Variants in LYRM4 observed in about 807,000 individuals in gnomAD.
LYRM4 encodes the protein LYR motif-containing protein 4.
In LYRM4, 9 loss-of-function variants were observed where a neutral mutation model predicts 11.7. That is an observed-to-expected ratio of 0.77 (90% CI 0.46 to 1.34). LYRM4 has a LOEUF of 1.34. Among genes scored for constraint, LYRM4 ranks in the 40% most tolerant of loss-of-function variants. The probability of loss-of-function intolerance (pLI) is 0.00; values close to 1 mark genes in which losing one functional copy is unlikely to be tolerated. For missense variants in LYRM4, 133 were observed against 112.5 expected (o/e 1.18, Z -0.82); for synonymous variants, 42 against 40.4 (o/e 1.04, Z -0.15).
At chr6:5,155,241 G>A (rs1758344732) in intron 2 of LYRM4, among the ~76,000 whole-genome samples, 1 of 152,048 alleles carries the variant, frequency 6.6e-6, no homozygotes, top group Admixed American at 6.5e-5. Context: ...GCCACCGCCT[G>A]GATAATTTTT....
At chr6:5,176,829 A>G (rs1172795110) in intron 2 of LYRM4, among the ~76,000 whole-genome samples, 2 of 152,216 alleles carry the variant, frequency 1.3e-5, no homozygotes, top group African/African-American at 4.8e-5. Context: ...TGAGTATATA[A>G]TTTCATCTAC....
chr6:5,256,084 G>T (rs1190010231), intron 1 of LYRM4, among the ~76,000 whole-genome samples: 1 of 151,972 alleles, frequency 6.6e-6, no homozygotes, highest in East Asian at 2.0e-4. Context: ...GTCATGCCAA[G>T]ATTGAGAAAT....
intron 2 of LYRM4, among the ~76,000 whole-genome samples, chr6:5,188,031 GTT>G: frequency 6.6e-6 from 1 of 152,288 alleles, no homozygotes; most frequent in African/African-American, 2.4e-5. Context: ...TGCCTTTGAA[GTT>G]TTTTGTCTAA....
At chr6:5,155,944 GAT>G (rs1758387169) in intron 2 of LYRM4, among the ~76,000 whole-genome samples, 1 of 152,206 alleles carries the variant, frequency 6.6e-6, no homozygotes, top group African/African-American at 2.4e-5. Context: ...AACATCTTGA[GAT>G]ATGTTTGGAG....
chr6:5,138,687 A>G (rs1331004004), intron 2 of LYRM4: 1 of 1,519,700 alleles, frequency 6.6e-7, no homozygotes, highest in Admixed American at 2.0e-5. Flanking sequence ...AGAAAATATC[A>G]AGATGCAATA....
At chr6:5,081,376 A>C in the LYRM4 span, among the ~76,000 whole-genome samples, 1 of 152,168 alleles carries the variant, frequency 6.6e-6, no homozygotes, top group Non-Finnish European at 1.5e-5. Flanking sequence ...TGCACCTTTC[A>C]GGAGGCAAGG....
chr6:5,077,525 G>A, the LYRM4 span, among the ~76,000 whole-genome samples: 1 of 152,158 alleles, frequency 6.6e-6, no homozygotes, highest in Non-Finnish European at 1.5e-5. Flanking sequence ...ATCAAGAGCT[G>A]ACATTTTTAC....
intron 2 of LYRM4, among the ~76,000 whole-genome samples, chr6:5,113,626 T>C (rs947198432): frequency 2.0e-5 from 3 of 152,200 alleles, no homozygotes; most frequent in Non-Finnish European, 4.4e-5. Context: ...TCAATCCATA[T>C]AGACACAAAG....
the LYRM4 span, chr6:5,043,279 A>G: frequency 2.0e-5 from 3 of 152,132 alleles, no homozygotes; most frequent in Admixed American, 6.5e-5. Flanking sequence ...TACTTTTAAC[A>G]TACTCTGCAA....
chr6:5,118,429 ATAG>A (rs1763247191), intron 2 of LYRM4, among the ~76,000 whole-genome samples: 1 of 152,026 alleles, frequency 6.6e-6, no homozygotes, highest in African/African-American at 2.4e-5. Context: ...TACATTTTTG[ATAG>A]TAGAATTTCA....
chr6:5,037,568 A>G, the LYRM4 span, among the ~76,000 whole-genome samples: 2 of 80,818 alleles, frequency 2.5e-5, no homozygotes, highest in African/African-American at 3.6e-5. Flanking sequence ...GGGGCTCCTC[A>G]CTTCCCAGTA....
intron 1 of LYRM4, among the ~76,000 whole-genome samples, chr6:5,224,351 G>A (rs1261392105): frequency 1.3e-5 from 2 of 152,306 alleles, no homozygotes; most frequent in South Asian, 2.1e-4. Flanking sequence ...AAATTTAAAT[G>A]AGGCATCATT....
chr6:5,257,824 CAAG>C (rs1764753409), intron 1 of LYRM4, among the ~76,000 whole-genome samples: 1 of 152,122 alleles, frequency 6.6e-6, no homozygotes, highest in Non-Finnish European at 1.5e-5. Flanking sequence ...TTCCTGGTGC[CAAG>C]AAGGTTGGGG....
At chr6:5,207,156 T>C (rs1452329473) in intron 2 of LYRM4, among the ~76,000 whole-genome samples, 1 of 152,152 alleles carries the variant, frequency 6.6e-6, no homozygotes, top group Non-Finnish European at 1.5e-5. Context: ...TCCTATTATA[T>C]CTCAGGGAGG....
intron 2 of LYRM4, among the ~76,000 whole-genome samples, chr6:5,133,828 T>C (rs1764066369): frequency 6.6e-6 from 1 of 152,204 alleles, no homozygotes; most frequent in East Asian, 1.9e-4. Flanking sequence ...TCTATGGGTT[T>C]CCGTAGACAT....
intron 1 of LYRM4, among the ~76,000 whole-genome samples, chr6:5,254,102 T>C (rs950201270): frequency 2.0e-5 from 3 of 152,164 alleles, no homozygotes; most frequent in African/African-American, 7.2e-5. Context: ...AGAAGTATGC[T>C]CAGCAAATCC....
intron 1 of LYRM4, among the ~76,000 whole-genome samples, chr6:5,254,446 C>T (rs1406517050): frequency 6.6e-6 from 1 of 152,146 alleles, no homozygotes; most frequent in East Asian, 1.9e-4. Context: ...GTAATAGTTC[C>T]TATTTTGATT....
chr6:5,186,093 C>T (rs771150591), intron 2 of LYRM4, among the ~76,000 whole-genome samples: 32 of 152,192 alleles, frequency 2.1e-4, no homozygotes, highest in South Asian at 1.7e-3. Context: ...GGGGTTACTG[C>T]TTGGATGCCA....
chr6:5,136,723 C>T, intron 2 of LYRM4: 1 of 985,418 alleles, frequency 1.0e-6, no homozygotes. Flanking sequence ...ACATGCTAAA[C>T]CGCCCCAAGG....
Sources: allele counts gnomAD v4.1 joint callset (sites outside exome capture counted in the v4.1 genomes callset), GRCh38; gene constraint gnomAD v4.1.1; transcripts MANE v1.5; gene names NCBI Gene and HGNC (gene_info 2026-07-23, HGNC 2026-07-21).